Variants in DNAJC13 observed in about 807,000 individuals in gnomAD.
DNAJC13 encodes the protein dnaJ homolog subfamily C member 13.
Under a neutral mutation model 290.5 loss-of-function variants are expected in DNAJC13, and 75 were observed. That is an observed-to-expected ratio of 0.26 (90% CI 0.21 to 0.31). The LOEUF is 0.31. Among genes scored for constraint, DNAJC13 ranks in the 10% least tolerant of loss-of-function variants. The pLI is 1.00. For synonymous variants in DNAJC13, 862 were observed against 892.0 expected (o/e 0.97, Z 0.60); for missense variants, 2,260 against 2,674.5 (o/e 0.85, Z 3.42).
chr3:132,471,813 G>T (rs1340961819), intron 20 of DNAJC13, among the ~76,000 whole-genome samples: 1 of 147,320 alleles, frequency 6.8e-6, no homozygotes, highest in Non-Finnish European at 1.5e-5. Context: ...GGGCGGCCAG[G>T]CAGAGACGGT....
In DNAJC13 at chr3:132,526,212, T is replaced by TA; in HGVS notation, c.6313dup (p.Thr2105AsnfsTer7). The TA allele has an allele frequency of 6.2e-7, 1 of 1,614,118 alleles. No individual in the cohort carries two copies. Among genetic ancestry groups the TA allele is most frequent in the Non-Finnish European group, 8.5e-7 (1 of 1,179,996 alleles). ...TGAATGGAATGAAAAAGCGAGCAGA[T>TA]ACTGTTGGTCTAGCCTGTGAAGCAA... is the stretch of plus-strand genomic sequence containing the variant. On this transcript the variant is annotated frameshift_variant, in exon 53 of 56. Coordinates refer to ENST00000260818, the MANE Select transcript of DNAJC13 (RefSeq NM_015268.4). LOFTEE classifies it high-confidence loss of function.
rs6778925 is a variant in DNAJC13, at chr3:132,456,935, C to A, written c.1349+103C>A. 11,624 of 1,272,366 alleles carry A rather than the reference C, an allele frequency of 9.1e-3. 238 individuals carry two copies. The highest frequency in any genetic ancestry group is 0.076 in the African/African-American group (5,075 of 66,788). The allele number at this position is 1,272,366 out of a possible 1,614,324, so 78.8% of individuals were successfully genotyped here. A position where few individuals can be genotyped will look rare whatever the true frequency, so the allele number is the denominator to read the frequency against. On this transcript the variant is annotated intron_variant, in intron 12 of 55. Coordinates refer to ENST00000260818, the MANE Select transcript of DNAJC13 (RefSeq NM_015268.4). ...CCTTTTCCTTGACTAAACCAGATACCTTTTATAGGGTGATATGGTACTTTA... is the reference window on the plus strand; with the variant it reads ...CCTTTTCCTTGACTAAACCAGATACATTTTATAGGGTGATATGGTACTTTA...
At chr3:132,484,363 G>A (rs755187671) in intron 28 of DNAJC13, 1 of 582,856 alleles carries the variant, frequency 1.7e-6, no homozygotes, top group South Asian at 1.7e-5. Flanking sequence ...GCTCTTCTAG[G>A]GTACTGTTTT....
chr3:132,494,440 C>G (rs2107711669), intron 34 of DNAJC13, among the ~76,000 whole-genome samples, 181 bp downstream of exon 34: 2 of 152,268 alleles, frequency 1.3e-5, no homozygotes, highest in South Asian at 4.1e-4. Flanking sequence ...AACTTATTAG[C>G]CAAATTGTAT....
At chr3:132,431,259 C>T (rs1437125303) in intron 1 of DNAJC13, among the ~76,000 whole-genome samples, 4 of 152,142 alleles carry the variant, frequency 2.6e-5, no homozygotes, top group African/African-American at 9.7e-5. Flanking sequence ...ACAAAACTAC[C>T]TCTCTCTGGA....
At chr3:132,461,237 A>G in intron 15 of DNAJC13, 32 bp downstream of exon 15, 2 of 1,610,016 alleles carry the variant, frequency 1.2e-6, no homozygotes, top group Non-Finnish European at 8.5e-7. Flanking sequence ...GTCAGATAAC[A>G]GTGAATTTAA....
At chr3:132,426,129 A>G (rs1939083349) in intron 1 of DNAJC13, among the ~76,000 whole-genome samples, 1 of 152,208 alleles carries the variant, frequency 6.6e-6, no homozygotes, top group Admixed American at 6.5e-5. Context: ...ATGCAGTAGT[A>G]TTCATTGAGA....
At chr3:132,531,267 A>G (rs1227499002) in intron 55 of DNAJC13, among the ~76,000 whole-genome samples, 170 bp downstream of exon 55, 3 of 152,202 alleles carry the variant, frequency 2.0e-5, no homozygotes, top group Non-Finnish European at 4.4e-5. Context: ...AGCTTTATAT[A>G]GCATGCAAAC....
At chr3:132,528,557 A>G (rs977746214) in intron 54 of DNAJC13, among the ~76,000 whole-genome samples, 14 of 152,228 alleles carry the variant, frequency 9.2e-5, no homozygotes, top group African/African-American at 3.4e-4. Flanking sequence ...TAGTGATGGC[A>G]TGTTGTACAT....
At chr3:132,463,590 C>T (rs1277981205) in intron 16 of DNAJC13, 106 bp from the exon 17 acceptor site, 62 of 1,320,160 alleles carry the variant, frequency 4.7e-5, no homozygotes, top group Non-Finnish European at 6.2e-5. Flanking sequence ...ACTTCTATTA[C>T]ATACTGAATG....
At chr3:132,464,632 A>C (rs182564954) in intron 17 of DNAJC13, among the ~76,000 whole-genome samples, 5 of 152,064 alleles carry the variant, frequency 3.3e-5, no homozygotes, top group African/African-American at 1.2e-4. Flanking sequence ...TGTTTATACT[A>C]TTAGAAGAAA....
chr3:132,513,557 C>G (rs541078839), intron 45 of DNAJC13, among the ~76,000 whole-genome samples: 40 of 152,294 alleles, frequency 2.6e-4, no homozygotes, highest in Non-Finnish European at 5.3e-4. Context: ...TCTTACAAAT[C>G]TAGTACAAGA....
chr3:132,516,394 A>G (rs1234993234), intron 46 of DNAJC13, 28 bp from the exon 47 acceptor site: 3 of 1,610,386 alleles, frequency 1.9e-6, no homozygotes, highest in South Asian at 1.1e-5. Flanking sequence ...CTGATGATGC[A>G]TTCCTTGAAA....
intron 2 of DNAJC13, among the ~76,000 whole-genome samples, chr3:132,441,507 G>A (rs1336897156): frequency 2.0e-5 from 3 of 152,134 alleles, no homozygotes; most frequent in African/African-American, 7.2e-5. Context: ...GAAGCCTGTT[G>A]GCGTAGATTC....
At chr3:132,527,151 A>G (rs2107749590) in intron 53 of DNAJC13, among the ~76,000 whole-genome samples, 1 of 152,356 alleles carries the variant, frequency 6.6e-6, no homozygotes, top group East Asian at 1.9e-4. Flanking sequence ...AGCTTGATTT[A>G]TTCTGCATTG....
intron 33 of DNAJC13, among the ~76,000 whole-genome samples, chr3:132,493,399 C>G (rs905269705): frequency 6.6e-6 from 1 of 151,956 alleles, no homozygotes; most frequent in East Asian, 1.9e-4. Flanking sequence ...CAGGTAGACT[C>G]TGGTACTTAT....
At chr3:132,516,286 G>C (rs1935917242) in intron 46 of DNAJC13, 136 bp from the exon 47 acceptor site, 3 of 789,906 alleles carry the variant, frequency 3.8e-6, no homozygotes, top group Non-Finnish European at 6.2e-6. Flanking sequence ...GAAAATACCT[G>C]TCTCACTGGT....
chr3:132,423,770 T>C (rs1559862488), intron 1 of DNAJC13, among the ~76,000 whole-genome samples: 2 of 152,256 alleles, frequency 1.3e-5, no homozygotes, highest in South Asian at 2.1e-4. Flanking sequence ...AAAAGAACAG[T>C]GTTTGGGTTT....
Position 132,456,539 on chromosome 3 carries a change from A to G in DNAJC13, c.1138A>G (p.Asn380Asp). ...AGATGCTGTATTCAGGTTCAATGCT[A>G]ATATTTCATACAGTGGAGTCCTACA... Reference protein sequence around the residue: ...FADAVFRFNANISYSGVLHAV... With the variant: ...FADAVFRFNADISYSGVLHAV... Residue 380 changes from asparagine (N) to aspartate (D), a missense_variant, in exon 11 of 56, where the codon AAT becomes GAT. Coordinates refer to ENST00000260818, the MANE Select transcript of DNAJC13 (RefSeq NM_015268.4). 1 of 1,614,006 alleles carries G rather than the reference A, an allele frequency of 6.2e-7. No homozygotes were observed. Among genetic ancestry groups the G allele is most frequent in the Non-Finnish European group, 8.5e-7 (1 of 1,179,914 alleles).
Sources: gnomAD v4.1 joint callset for allele counts (sites outside exome capture counted in the v4.1 genomes callset) on GRCh38, gnomAD v4.1.1 for gene constraint, MANE v1.5 for transcripts, NCBI Gene and HGNC (gene_info 2026-07-23, HGNC 2026-07-21) for gene names.